Variants in RANBP9 observed in about 807,000 individuals in gnomAD.
RANBP9 encodes the protein ran-binding protein 9.
A neutral mutation model predicts 84.3 loss-of-function variants in RANBP9; 15 were observed. The ratio of observed to expected loss-of-function variants is 0.18; its 90% CI spans 0.12 to 0.27. RANBP9 has a LOEUF of 0.27. Ranked by LOEUF, RANBP9 falls within the 10% of genes least tolerant of loss-of-function variation. RANBP9 has a pLI of 1.00. For synonymous variants in RANBP9, 392 were observed against 349.6 expected (o/e 1.12, Z -1.35); for missense variants, 809 against 912.8 (o/e 0.89, Z 1.46).
At chr6:13,708,457 C>A (rs201782103) in intron 1 of RANBP9, among the ~76,000 whole-genome samples, 1 of 151,896 alleles carries the variant, frequency 6.6e-6, no homozygotes, top group East Asian at 1.9e-4. Context: ...AGAACAACAA[C>A]AAAAAACCAG....
At chr6:13,624,922 T>C (rs566134908) in intron 13 of RANBP9, among the ~76,000 whole-genome samples, 19 of 152,148 alleles carry the variant, frequency 1.2e-4, no homozygotes, top group Non-Finnish European at 2.6e-4. Context: ...TTCATAAGCA[T>C]GGTGGGAGCT....
intron 6 of RANBP9, among the ~76,000 whole-genome samples, chr6:13,643,265 A>T (rs1765106695): frequency 6.6e-6 from 1 of 152,236 alleles, no homozygotes; most frequent in African/African-American, 2.4e-5. Context: ...TAATCTTTTA[A>T]AAACGTACCA....
intron 8 of RANBP9, among the ~76,000 whole-genome samples, chr6:13,640,155 C>T (rs184931437): frequency 5.1e-4 from 78 of 152,232 alleles, no homozygotes; most frequent in African/African-American, 1.7e-3. Flanking sequence ...TCTCCCCACC[C>T]GTCCCATTCC....
chr6:13,686,262 AC>A (rs1369687493), intron 2 of RANBP9, among the ~76,000 whole-genome samples: 3 of 150,970 alleles, frequency 2.0e-5, no homozygotes, highest in Admixed American at 2.0e-4. Context: ...ATGCCACTAC[AC>A]CCGGCTAATT....
At chr6:13,635,982 C>T (rs890346570) in intron 10 of RANBP9, among the ~76,000 whole-genome samples, 87 of 152,172 alleles carry the variant, frequency 5.7e-4, no homozygotes, top group Non-Finnish European at 1.1e-3. Flanking sequence ...TATTATATTA[C>T]AGAGTAATTA....
rs1584934795 is a variant in RANBP9 at position 13,672,465 on chromosome 6, A to T, written c.684-13633T>A. On this transcript the variant is annotated intron_variant, in intron 2 of 13. Coordinates refer to ENST00000011619, the MANE Select transcript of RANBP9 (RefSeq NM_005493.3). ...TCTAAGGAAACTCAAAACAAGACAA[A>T]AACCAGGAAAGTAGAGGAAAATGAA... Among the ~76,000 whole-genome samples, 3 of 152,276 alleles carry T rather than the reference A, an allele frequency of 2.0e-5. No individual in the cohort carries two copies. In the East Asian group the frequency reaches 5.8e-4, roughly 29 times the overall value.
rs181247746 is a variant in RANBP9, at chr6:13,653,207, G to T, written c.905-526C>A. Among the ~76,000 whole-genome samples the T allele has an allele frequency of 2.5e-3, 379 of 152,212 alleles. 1 individual carries two copies. Among genetic ancestry groups the T allele is most frequent in the South Asian group, 5.0e-3 (24 of 4,832 alleles). On this transcript the variant is annotated intron_variant, in intron 4 of 13. Coordinates refer to ENST00000011619, the MANE Select transcript of RANBP9 (RefSeq NM_005493.3). Reference sequence around the variant, plus strand: ...TATGAAAGTAAATTCTTTAACTTATGATTTACTCGTGGGAAAAATCAATTC... The same window carrying T: ...TATGAAAGTAAATTCTTTAACTTATTATTTACTCGTGGGAAAAATCAATTC...
At chr6:13,681,220 T>C (rs1766027449) in intron 2 of RANBP9, among the ~76,000 whole-genome samples, 1 of 151,900 alleles carries the variant, frequency 6.6e-6, no homozygotes, top group African/African-American at 2.4e-5. Flanking sequence ...AAGGCAAAAC[T>C]ATAGGGACAG....
At chr6:13,659,494 T>G (rs204231) in intron 2 of RANBP9, among the ~76,000 whole-genome samples, 29,117 of 152,088 alleles carry the variant, frequency 0.19, 3,061 homozygotes, top group East Asian at 0.27. Flanking sequence ...AAGGGAAGAT[T>G]ATTAAGGTAT....
At chr6:13,628,255 C>T (rs1405734987) in intron 12 of RANBP9, among the ~76,000 whole-genome samples, 1 of 152,154 alleles carries the variant, frequency 6.6e-6, no homozygotes, top group Non-Finnish European at 1.5e-5. Flanking sequence ...ATTTCATTTT[C>T]AGTACAGTTC....
At chr6:13,710,789 A>T in intron 1 of RANBP9, 146 bp downstream of exon 1, 1 of 846,726 alleles carries the variant, frequency 1.2e-6, no homozygotes, top group Non-Finnish European at 1.7e-6. Context: ...CCCCGCGCCC[A>T]CCCGGAGCAG....
At chr6:13,687,377 C>G (rs1008218364) in intron 2 of RANBP9, among the ~76,000 whole-genome samples, 5 of 152,020 alleles carry the variant, frequency 3.3e-5, no homozygotes, top group African/African-American at 9.7e-5. Context: ...AATCCCAGTA[C>G]TTTGGGAGGC....
intron 1 of RANBP9, among the ~76,000 whole-genome samples, chr6:13,703,563 G>A (rs191166822): frequency 6.6e-6 from 1 of 152,302 alleles, no homozygotes; most frequent in East Asian, 1.9e-4. Context: ...GTTAGCACCT[G>A]ACTTGAAGGC....
At chr6:13,646,322 T>C (rs940880670) in intron 5 of RANBP9, among the ~76,000 whole-genome samples, 6 of 152,174 alleles carry the variant, frequency 3.9e-5, no homozygotes, top group African/African-American at 1.4e-4. Context: ...GGAAGGATAA[T>C]CGCTTGAACC....
intron 2 of RANBP9, among the ~76,000 whole-genome samples, chr6:13,676,108 A>T (rs1765880282): frequency 6.6e-6 from 1 of 152,150 alleles, no homozygotes; most frequent in Non-Finnish European, 1.5e-5. Flanking sequence ...GATACCCAAG[A>T]GTAGAAAGCA....
chr6:13,708,769 C>T (rs1003432234), intron 1 of RANBP9, among the ~76,000 whole-genome samples: 1 of 151,716 alleles, frequency 6.6e-6, no homozygotes, highest in African/African-American at 2.4e-5. Context: ...CCACAATCGG[C>T]GTGGTCCTCT....
At chr6:13,673,756 C>CT (rs1311266506) in intron 2 of RANBP9, among the ~76,000 whole-genome samples, 1 of 151,864 alleles carries the variant, frequency 6.6e-6, no homozygotes, top group Non-Finnish European at 1.5e-5. Flanking sequence ...GTATTTTATA[C>CT]AGAAAAGAAA....
intron 2 of RANBP9, among the ~76,000 whole-genome samples, chr6:13,661,795 T>C (rs1765543286): frequency 6.6e-6 from 1 of 152,030 alleles, no homozygotes; most frequent in Admixed American, 6.6e-5. Flanking sequence ...CTGTAGAATA[T>C]CAATCACGGG....
At chr6:13,664,996 A>G (rs1765616070) in intron 2 of RANBP9, among the ~76,000 whole-genome samples, 1 of 152,166 alleles carries the variant, frequency 6.6e-6, no homozygotes, top group Admixed American at 6.5e-5. Context: ...AAAAGTGCCT[A>G]GACAGTCCAA....
Sources: gnomAD v4.1 joint callset for allele counts (sites outside exome capture counted in the v4.1 genomes callset) on GRCh38, gnomAD v4.1.1 for gene constraint, MANE v1.5 for transcripts, NCBI Gene and HGNC (gene_info 2026-07-23, HGNC 2026-07-21) for gene names.